Variants in FHIP1A observed in about 807,000 individuals in gnomAD.
The protein encoded by FHIP1A is FHF complex subunit HOOK interacting protein 1A.
FHIP1A carries 61 observed loss-of-function variants against 88.6 expected under a neutral mutation model. That is an observed-to-expected ratio of 0.69 (90% CI 0.56 to 0.85). The LOEUF is 0.85. Ranked by LOEUF, FHIP1A falls within the 40% of genes least tolerant of loss-of-function variation. The pLI is 0.00. For synonymous variants in FHIP1A, 478 were observed against 496.0 expected, an observed-to-expected ratio of 0.96 and a Z score of 0.48; for missense variants, 1,154 against 1,273.5, an observed-to-expected ratio of 0.91 and a Z score of 1.43.
chr4:151,562,814 A>C (rs1733226886), intron 3 of FHIP1A, among the ~76,000 whole-genome samples: 1 of 152,170 alleles, frequency 6.6e-6, no homozygotes, highest in Non-Finnish European at 1.5e-5. Context: ...AAATAGTCTG[A>C]AGTTGGGTAA....
chr4:151,538,441 C>T (rs1321825784), intron 3 of FHIP1A, among the ~76,000 whole-genome samples: 1 of 152,132 alleles, frequency 6.6e-6, no homozygotes, highest in African/African-American at 2.4e-5. Flanking sequence ...AATGCAGATT[C>T]CTGGATTTCC....
At chr4:151,647,071 AT>A (rs1315609844) in intron 10 of FHIP1A, among the ~76,000 whole-genome samples, 3 of 152,186 alleles carry the variant, frequency 2.0e-5, no homozygotes, top group Non-Finnish European at 1.5e-5. Flanking sequence ...GGAGATGGCT[AT>A]TGCTGAGACA....
intron 3 of FHIP1A, among the ~76,000 whole-genome samples, chr4:151,490,707 C>A (rs1246322546): frequency 6.6e-6 from 1 of 150,524 alleles, no homozygotes; most frequent in Non-Finnish European, 1.5e-5. Context: ...CTCAAGGAGG[C>A]ACCAGAGAAA....
Position 151,659,705 on chromosome 4 carries a change from G to A in FHIP1A, c.2870-2796G>A, listed in dbSNP as rs145285974. Among the ~76,000 whole-genome samples, 385 of 152,268 alleles carry A rather than the reference G, an allele frequency of 2.5e-3. 3 individuals carry two copies. Among genetic ancestry groups the A allele is most frequent in the African/African-American group, 8.9e-3 (370 of 41,534 alleles). On this transcript the variant is annotated intron_variant, in intron 13 of 13. Coordinates refer to ENST00000435205, the MANE Select transcript of FHIP1A (RefSeq NM_001109977.3). ...GTGCATGCTTGTTGGACCCTTTTATGAGGGGCGTAACTCAGGCGTCTGTAG... is the reference window on the plus strand; with the variant it reads ...GTGCATGCTTGTTGGACCCTTTTATAAGGGGCGTAACTCAGGCGTCTGTAG...
intron 1 of FHIP1A, among the ~76,000 whole-genome samples, chr4:151,435,167 A>G (rs1460714949): frequency 2.6e-5 from 4 of 151,180 alleles, no homozygotes; most frequent in Admixed American, 2.6e-4. Context: ...ATTGTTGCTA[A>G]CTATAGTCCT....
intron 1 of FHIP1A, among the ~76,000 whole-genome samples, chr4:151,421,407 C>T (rs967645502): frequency 2.0e-5 from 3 of 152,094 alleles, no homozygotes; most frequent in African/African-American, 7.2e-5. Context: ...GTTTTCATCC[C>T]CCTTACTCTG....
At chr4:151,429,818 C>T (rs546918072) in intron 1 of FHIP1A, among the ~76,000 whole-genome samples, 2 of 143,392 alleles carry the variant, frequency 1.4e-5, no homozygotes, top group South Asian at 2.2e-4. Context: ...CACTGCACTC[C>T]AGCCTGGGCG....
chr4:151,654,072 G>GT (rs758206414), intron 11 of FHIP1A, among the ~76,000 whole-genome samples: 8,748 of 139,754 alleles, frequency 0.063, 640 homozygotes, highest in African/African-American at 0.18. Flanking sequence ...GTTAAGCAGG[G>GT]TTTTTTTTTT....
intron 3 of FHIP1A, among the ~76,000 whole-genome samples, chr4:151,506,964 A>G (rs1000283903): frequency 2.6e-5 from 4 of 152,220 alleles, no homozygotes; most frequent in Admixed American, 2.6e-4. Flanking sequence ...AAAATAAATC[A>G]AATATGACAT....
intron 7 of FHIP1A, among the ~76,000 whole-genome samples, chr4:151,603,555 G>A (rs1734957155): frequency 6.6e-6 from 1 of 152,106 alleles, no homozygotes; most frequent in Non-Finnish European, 1.5e-5. Flanking sequence ...TGCACAGATG[G>A]CCTAAAAAGC....
At chr4:151,453,491 G>A (rs1489847273) in intron 1 of FHIP1A, among the ~76,000 whole-genome samples, 3 of 152,234 alleles carry the variant, frequency 2.0e-5, no homozygotes, top group African/African-American at 4.8e-5. Flanking sequence ...TATACTCACC[G>A]TACAAGTTTA....
intron 3 of FHIP1A, among the ~76,000 whole-genome samples, chr4:151,528,064 T>G (rs1731745381): frequency 6.6e-6 from 1 of 152,186 alleles, no homozygotes; most frequent in African/African-American, 2.4e-5. Context: ...TGGCTTCAGA[T>G]CTGAGTTTTT....
chr4:151,439,819 T>C (rs1430293436), intron 1 of FHIP1A, among the ~76,000 whole-genome samples: 4 of 152,208 alleles, frequency 2.6e-5, no homozygotes, highest in Non-Finnish European at 5.9e-5. Context: ...ATTTAGTTTT[T>C]GTTGTTGTTT....
At position 151,662,672 on chromosome 4, in the gene FHIP1A, TGAA is replaced by T; in HGVS notation, c.3043_3045del (p.Lys1015del). On this transcript the variant is annotated inframe_deletion, in exon 14 of 14. Coordinates refer to ENST00000435205, the MANE Select transcript of FHIP1A (RefSeq NM_001109977.3). ...GCTGCTGCCCTCTTCCCAGAGTTCC[TGAA>T]GGAGCTGGCGGCCTTGGCCCAGGAA... 6.4e-7 allele frequency: 1 copy of T among 1,551,130 alleles called. No homozygotes were observed. Among genetic ancestry groups the T allele is most frequent in the Non-Finnish European group, 8.7e-7 (1 of 1,146,936 alleles).
intron 7 of FHIP1A, among the ~76,000 whole-genome samples, chr4:151,629,316 A>G (rs2076438601): frequency 6.6e-6 from 1 of 152,194 alleles, no homozygotes; most frequent in South Asian, 2.1e-4. Context: ...TGAATGACTA[A>G]TAAAGAAACA....
At chr4:151,460,401 C>T (rs1729107679) in intron 2 of FHIP1A, among the ~76,000 whole-genome samples, 1 of 152,266 alleles carries the variant, frequency 6.6e-6, no homozygotes, top group South Asian at 2.1e-4. Flanking sequence ...TAGCTACTCA[C>T]ATCTAGTTAG....
chr4:151,487,270 T>C (rs1338723087), intron 3 of FHIP1A, among the ~76,000 whole-genome samples: 1 of 152,230 alleles, frequency 6.6e-6, no homozygotes, highest in Admixed American at 6.5e-5. Context: ...TTTAGTTTTA[T>C]GGTACTTCTT....
intron 3 of FHIP1A, among the ~76,000 whole-genome samples, chr4:151,562,346 A>G (rs987421867): frequency 1.3e-5 from 2 of 151,974 alleles, no homozygotes; most frequent in African/African-American, 4.8e-5. Flanking sequence ...TGGTTTGGAA[A>G]CTCACTGTGA....
Position 151,650,085 on chromosome 4 carries a change from G to A in FHIP1A, c.2044G>A (p.Gly682Ser), listed in dbSNP as rs1305521599. ...AGTTCAGAGTGTCCCCATCAACAAC[G>A]GCCCCCTCCTCAGCACCCAGCCAGA... is the stretch of plus-strand genomic sequence containing the variant. Reference protein sequence around the residue: ...AEVQSVPINNGPLLSTQPETD... With the variant: ...AEVQSVPINNSPLLSTQPETD... The change falls in exon 11 of 14, where the codon GGC (glycine) becomes AGC (serine). Residue 682 changes from glycine (G) to serine (S), a missense_variant. Gly to Ser is a moderately conservative substitution (Grantham distance 56). Coordinates refer to ENST00000435205, the MANE Select transcript of FHIP1A (RefSeq NM_001109977.3). 1.9e-6 allele frequency: 3 copies of A among 1,551,524 alleles called. No individual in the cohort carries two copies. Among genetic ancestry groups the A allele is most frequent in the Admixed American group, 2.0e-5 (1 of 50,980 alleles).
Sources: allele counts gnomAD v4.1 joint callset (sites outside exome capture counted in the v4.1 genomes callset), GRCh38; gene constraint gnomAD v4.1.1; transcripts MANE v1.5; gene names NCBI Gene and HGNC (gene_info 2026-07-23, HGNC 2026-07-21).